The following JHY variants were observed in gnomAD, a reference collection of about 807,000 sequenced individuals.
JHY encodes the protein jhy protein homolog.
JHY carries 69 observed loss-of-function variants against 78.0 expected under a neutral mutation model. The ratio of observed to expected loss-of-function variants is 0.88; its 90% CI spans 0.73 to 1.08. JHY has a LOEUF of 1.08. Ranked by LOEUF, JHY falls within the 50% of genes least tolerant of loss-of-function variation. JHY has a pLI of 0.00. For missense variants in JHY, 944 were observed against 927.8 expected (o/e 1.02, Z -0.23); for synonymous variants, 368 against 342.6 (o/e 1.07, Z -0.82).
Position 122,883,581 on chromosome 11 carries a change from C to T in JHY, c.-90+609C>T, listed in dbSNP as rs1320571975. ...CTCTTGGTCAGAAATTTCAGCGGCA[C>T]AACCTTTTTTTTTTTTCACTGGACG... On this transcript the variant is annotated intron_variant, in intron 1 of 8. Transcript: ENST00000227349. This position sits in a 1 kb window ranked among gnomAD's most constrained non-coding sequence, Gnocchi z 4.4. 2.0e-5 allele frequency among the ~76,000 whole-genome samples: 3 copies of T among 151,704 alleles called. No individual in the cohort carries two copies. Among genetic ancestry groups the T allele is most frequent in the Non-Finnish European group, 4.4e-5 (3 of 67,926 alleles).
intron 5 of JHY, among the ~76,000 whole-genome samples, chr11:122,939,988 C>T (rs775799265): frequency 1.1e-4 from 16 of 150,292 alleles, no homozygotes; most frequent in Non-Finnish European, 1.9e-4. Flanking sequence ...ATTCCTGATC[C>T]AGTATTCAGT....
intron 6 of JHY, among the ~76,000 whole-genome samples, chr11:122,955,847 T>C (rs1318797879): frequency 6.6e-6 from 1 of 152,226 alleles, no homozygotes; most frequent in Non-Finnish European, 1.5e-5. Flanking sequence ...GGTAATGCTG[T>C]GACATCATTG....
chr11:122,936,944 T>G (rs1863770066), intron 5 of JHY, among the ~76,000 whole-genome samples: 1 of 152,232 alleles, frequency 6.6e-6, no homozygotes, highest in African/African-American at 2.4e-5. Context: ...TACCTGTTAC[T>G]TGAAGGTTTG....
intron 2 of JHY, among the ~76,000 whole-genome samples, chr11:122,892,142 G>A (rs1862630088): frequency 6.6e-6 from 1 of 152,110 alleles, no homozygotes; most frequent in Non-Finnish European, 1.5e-5. Flanking sequence ...AGTGAGGTCT[G>A]CAGTGCTTTC....
chr11:122,943,835 A>T (rs565783179), intron 5 of JHY, among the ~76,000 whole-genome samples: 2 of 152,160 alleles, frequency 1.3e-5, no homozygotes, highest in South Asian at 4.2e-4. Flanking sequence ...TCTTCTTATG[A>T]TTTAAGTGAG....
At chr11:122,887,447 C>A (rs938473709) in intron 2 of JHY, among the ~76,000 whole-genome samples, 1 of 152,028 alleles carries the variant, frequency 6.6e-6, no homozygotes, top group African/African-American at 2.4e-5. Flanking sequence ...CTCAGCCTCC[C>A]GAGTAGCTGG....
At chr11:122,913,499 AT>A (rs2135323077) in intron 3 of JHY, among the ~76,000 whole-genome samples, 1 of 152,224 alleles carries the variant, frequency 6.6e-6, no homozygotes, top group South Asian at 2.1e-4. Context: ...CTGTAGCCTC[AT>A]CCTTCATCAA....
At chr11:122,957,223 A>C (rs184473362) in intron 7 of JHY, 140 bp from the exon 8 acceptor site, 3 of 889,092 alleles carry the variant, frequency 3.4e-6, no homozygotes, top group African/African-American at 3.6e-5. Context: ...CACTGCTGCC[A>C]CCTTACTCAA....
chr11:122,937,937 T>C (rs945761585), intron 5 of JHY, among the ~76,000 whole-genome samples: 1 of 152,228 alleles, frequency 6.6e-6, no homozygotes, highest in African/African-American at 2.4e-5. Context: ...TCCCTCAGAA[T>C]TGCCTTCTTG....
At chr11:122,894,761 A>G (rs1862702609) in intron 2 of JHY, among the ~76,000 whole-genome samples, 1 of 152,086 alleles carries the variant, frequency 6.6e-6, no homozygotes, top group Non-Finnish European at 1.5e-5. Context: ...TTATCAAAGA[A>G]AAAAAAAGGA....
intron 4 of JHY, among the ~76,000 whole-genome samples, chr11:122,932,181 A>G (rs1045452109): frequency 3.9e-5 from 6 of 152,160 alleles, no homozygotes; most frequent in African/African-American, 1.4e-4. Flanking sequence ...CCCCAATTGT[A>G]GGGTAATAAA....
chr11:122,890,103 T>A (rs1862580071), intron 2 of JHY, among the ~76,000 whole-genome samples: 2 of 151,498 alleles, frequency 1.3e-5, no homozygotes, highest in African/African-American at 4.8e-5. Flanking sequence ...TATATATATA[T>A]AAATGAAAGA....
Position 122,934,674 on chromosome 11 carries a change from T to C in JHY, c.1233T>C (p.Pro411=). ...AGCCTCTTGATACTTCAACAAAGCC[T>C]GAATCGATTGTGATTATGCATGCCT... ...QNKPLDTSTK[P]ESIVIMHASN... The change falls in exon 5 of 9, where the codon CCT becomes CCC. Residue 411 remains proline, a synonymous_variant. Coordinates refer to ENST00000227349, the MANE Select transcript of JHY (RefSeq NM_024806.4). 1 of 1,614,160 alleles carries C rather than the reference T, an allele frequency of 6.2e-7. No homozygotes were observed. The highest frequency in any genetic ancestry group is 8.5e-7 in the Non-Finnish European group (1 of 1,180,026).
intron 6 of JHY, among the ~76,000 whole-genome samples, chr11:122,949,661 C>G (rs1591398765): frequency 6.6e-6 from 1 of 152,102 alleles, no homozygotes; most frequent in Non-Finnish European, 1.5e-5. Context: ...ATACCCCCAC[C>G]TGGGGATCTT....
At chr11:122,900,511 CT>C (rs374998954) in intron 2 of JHY, among the ~76,000 whole-genome samples, 123 of 65,088 alleles carry the variant, frequency 1.9e-3, no homozygotes, top group African/African-American at 4.9e-3. Context: ...ATACTACCAG[CT>C]TTTTTTTTTT....
chr11:122,932,054 G>C (rs945040531), intron 4 of JHY, among the ~76,000 whole-genome samples: 4 of 152,212 alleles, frequency 2.6e-5, no homozygotes, highest in Admixed American at 1.3e-4. Context: ...GAACCCCAGT[G>C]AGAGCAGAAT....
Position 122,963,394 on chromosome 11 carries a change from G to A in JHY, c.*3949G>A, listed in dbSNP as rs1396253748. Reference sequence around the variant, plus strand: ...AAAATTCTTTATATAGTGCCATGTGGCATCTAAAATAACTTTGGCTAGGAA... The same window carrying A: ...AAAATTCTTTATATAGTGCCATGTGACATCTAAAATAACTTTGGCTAGGAA... On this transcript the variant is annotated 3_prime_UTR_variant, in exon 9 of 9. Coordinates refer to ENST00000227349, the MANE Select transcript of JHY (RefSeq NM_024806.4). Among the ~76,000 whole-genome samples, 2 of 152,108 alleles carry A rather than the reference G, an allele frequency of 1.3e-5. No homozygotes were observed. The highest frequency in any genetic ancestry group is 2.9e-5 in the Non-Finnish European group (2 of 68,010).
chr11:122,932,399 T>C (rs971176848), intron 4 of JHY, among the ~76,000 whole-genome samples: 4 of 152,152 alleles, frequency 2.6e-5, no homozygotes, highest in African/African-American at 4.8e-5. Context: ...GTGAACAGGA[T>C]TGTCAGCAGC....
chr11:122,896,828 C>G (rs779313052), intron 2 of JHY, among the ~76,000 whole-genome samples: 4 of 152,086 alleles, frequency 2.6e-5, no homozygotes, highest in Non-Finnish European at 5.9e-5. Flanking sequence ...GCCAGGGACA[C>G]AGTTCTATGC....
Sources: allele counts gnomAD v4.1 joint callset (sites outside exome capture counted in the v4.1 genomes callset), GRCh38; gene constraint gnomAD v4.1.1; non-coding constraint Gnocchi (gnomAD v3.1); transcripts MANE v1.5; gene names NCBI Gene and HGNC (gene_info 2026-07-23, HGNC 2026-07-21).